Variants in TBC1D30 observed in about 807,000 individuals in gnomAD.
TBC1D30 encodes the protein TBC1 domain family, member 30.
TBC1D30 carries 31 observed loss-of-function variants against 63.2 expected under a neutral mutation model. The ratio of observed to expected loss-of-function variants is 0.49; its 90% CI spans 0.37 to 0.66. The LOEUF is 0.66. TBC1D30 is among the 30% of genes least tolerant of loss of function. The pLI is 0.00. For missense variants in TBC1D30, 810 were observed against 953.6 expected (o/e 0.85, Z 1.98); for synonymous variants, 307 against 361.5 (o/e 0.85, Z 1.71).
rs1210881726 is a variant in TBC1D30 at position 64,870,715 on chromosome 12, C to T, written c.1405C>T (p.Arg469Cys). Residue 469 changes from arginine to cysteine, a missense_variant, in exon 11 of 12, where the codon CGC (arginine) becomes TGC (cysteine). Physicochemically the swap from Arg to Cys is radical, Grantham distance 180 (BLOSUM62 -3). This residue lies in a region of TBC1D30 where 450 missense variants were observed against 473.0 expected (regional missense o/e 0.95). Transcript: ENST00000539867. The stretch of plus-strand genomic sequence containing the variant: ...AGCTTTTAACAGTATGATGATGGAA[C>T]GCATGACCACAGATATCAATGCACT... ...HAAFNSMMME[R>C]MTTDINALKR... 1.6e-5 allele frequency: 24 copies of T among 1,535,902 alleles called. No homozygotes were observed. The highest frequency in any genetic ancestry group is 6.8e-5 in the African/African-American group (5 of 72,998).
chr12:64,781,419 T>TG, intron 1 of TBC1D30: 13 of 922,898 alleles, frequency 1.4e-5, no homozygotes, highest in African/African-American at 1.8e-5. Flanking sequence ...GATCTGACGG[T>TG]GGTACCCACC....
At chr12:64,786,948 AAAAAATAAATAAATAAAAAT>A (rs1215839652) in intron 2 of TBC1D30, among the ~76,000 whole-genome samples, 1 of 152,000 alleles carries the variant, frequency 6.6e-6, no homozygotes, top group Non-Finnish European at 1.5e-5. Context: ...CATCTCAAAA[AAAAAATAAATAAATAAAAAT>A]AAAAATAAAT....
intron 10 of TBC1D30, 76 bp from the exon 11 acceptor site, chr12:64,870,526 T>A (rs541268028): frequency 2.0e-5 from 23 of 1,179,360 alleles, no homozygotes; most frequent in Admixed American, 4.0e-5. Context: ...CGCACTGAGT[T>A]GTAGTGTTAT....
In TBC1D30 at chr12:64,875,717, G is replaced by A; in HGVS notation, c.2215G>A (p.Val739Met). 1 of 1,536,532 alleles carries A rather than the reference G, an allele frequency of 6.5e-7. No homozygotes were observed. Among genetic ancestry groups the A allele is most frequent in the South Asian group, 1.2e-5 (1 of 83,998 alleles). Residue 739 changes from valine (V) to methionine (M), a missense_variant, in exon 12 of 12, where the codon GTG becomes ATG. By Grantham distance (21) the Val-to-Met change is conservative. This residue lies in a region of TBC1D30 where 450 missense variants were observed against 473.0 expected (regional missense o/e 0.95). Transcript: ENST00000539867. ...LYGPTERTPTVHFPQMSRSFS... is the reference protein window; with the variant it reads ...LYGPTERTPTMHFPQMSRSFS... ...TGGCCCTACAGAAAGAACCCCAACT[G>A]TGCACTTTCCTCAAATGAGTAGGAG...
rs12314376 is a variant in TBC1D30 at position 64,784,931 on chromosome 12, A to G, written c.479-950A>G. On this transcript the variant is annotated intron_variant, in intron 1 of 12. Coordinates refer to the TBC1D30 transcript ENST00000542120. Reference sequence around the variant, plus strand: ...TATGAATGTAGAATTATTGTAATTTATCTGTGTAAAGGAAATTTATTTTCT... The same window carrying G: ...TATGAATGTAGAATTATTGTAATTTGTCTGTGTAAAGGAAATTTATTTTCT... 2.0e-5 allele frequency among the ~76,000 whole-genome samples: 3 copies of G among 152,048 alleles called. No individual in the cohort carries two copies. In the East Asian group the frequency reaches 5.8e-4, roughly 29 times the overall value.
At chr12:64,841,409 G>A (rs143593236) in intron 7 of TBC1D30, among the ~76,000 whole-genome samples, 1 of 152,214 alleles carries the variant, frequency 6.6e-6, no homozygotes, top group Non-Finnish European at 1.5e-5. Context: ...CCCATGCCTG[G>A]CCCACTGTGG....
chr12:64,835,788 A>C (rs1029656116), intron 5 of TBC1D30, among the ~76,000 whole-genome samples: 1 of 152,206 alleles, frequency 6.6e-6, no homozygotes, highest in African/African-American at 2.4e-5. Context: ...GGAAAGAACC[A>C]GGGATTGACA....
At position 64,824,871 on chromosome 12, in the gene TBC1D30, C is replaced by A. The variant is rs1268652684; in HGVS notation, c.-9C>A. The A allele has an allele frequency of 2.0e-6, 3 of 1,532,340 alleles. No individual in the cohort carries two copies. The highest frequency in any genetic ancestry group is 1.2e-5 in the South Asian group (1 of 83,634). The allele number at this position is 1,532,340 out of a possible 1,614,324, so 94.9% of individuals were successfully genotyped here. On this transcript the variant is annotated 5_prime_UTR_variant, in exon 1 of 12. Transcript: ENST00000539867. ...ACGGTAGCCGTGCCAGAGCCCGGGGCGCTCTCGGATGCGGCAGGACAAGCT... is the reference window on the plus strand; with the variant it reads ...ACGGTAGCCGTGCCAGAGCCCGGGGAGCTCTCGGATGCGGCAGGACAAGCT...
At chr12:64,836,421 T>G (rs768945839) in intron 5 of TBC1D30, 69 bp from the exon 6 acceptor site, 1 of 1,272,848 alleles carries the variant, frequency 7.9e-7, no homozygotes, top group Non-Finnish European at 1.1e-6. Context: ...AATACTTATT[T>G]TCTCTTTAGG....
At chr12:64,833,860 T>C (rs1875091482) in intron 5 of TBC1D30, among the ~76,000 whole-genome samples, 1 of 89,100 alleles carries the variant, frequency 1.1e-5, no homozygotes, top group African/African-American at 6.7e-5. Flanking sequence ...TCTATCAGCT[T>C]TCATCAGTTT....
At chr12:64,828,686 G>A (rs1248550362) in intron 3 of TBC1D30, among the ~76,000 whole-genome samples, 177 bp downstream of exon 3, 3 of 152,084 alleles carry the variant, frequency 2.0e-5, no homozygotes, top group Non-Finnish European at 4.4e-5. Flanking sequence ...TAGGTTCTAG[G>A]GATATAGCAA....
intron 5 of TBC1D30, 97 bp from the exon 6 acceptor site, chr12:64,836,393 C>A: frequency 1.0e-6 from 1 of 977,646 alleles, no homozygotes; most frequent in Non-Finnish European, 1.5e-6. Flanking sequence ...CTTTGGCTAA[C>A]AGCGTTTTAT....
chr12:64,831,942 ATAT>A (rs1874892502), intron 4 of TBC1D30, among the ~76,000 whole-genome samples, 174 bp from the exon 5 acceptor site: 1 of 152,228 alleles, frequency 6.6e-6, no homozygotes, highest in South Asian at 2.1e-4. Flanking sequence ...ATATTACAAA[ATAT>A]TATGAAAAAG....
At chr12:64,870,889 T>C (rs1878604029) in intron 11 of TBC1D30, 81 bp downstream of exon 11, 4 of 1,361,288 alleles carry the variant, frequency 2.9e-6, no homozygotes, top group Non-Finnish European at 4.0e-6. Flanking sequence ...AGGAAGGCCT[T>C]GGAATTACTA....
chr12:64,807,149 G>T (rs1292556720), intron 2 of TBC1D30, among the ~76,000 whole-genome samples: 1 of 152,172 alleles, frequency 6.6e-6, no homozygotes, highest in Non-Finnish European at 1.5e-5. Context: ...CATGGGGGTG[G>T]TTCCTCCCAT....
At chr12:64,761,468 T>A (rs983516348) in intron 1 of TBC1D30, among the ~76,000 whole-genome samples, 1 of 152,112 alleles carries the variant, frequency 6.6e-6, no homozygotes, top group Non-Finnish European at 1.5e-5. Flanking sequence ...TAGGAGGTCA[T>A]AAAGATACAA....
Position 64,881,032 on chromosome 12 carries a change from A to C in TBC1D30, c.*5244A>C, listed in dbSNP as rs973819049. Reference sequence around the variant, plus strand: ...GAAACAAAGCAAAAAATAAAAAAAAACCTCCTTAGTAATTGTTTTCTTTTT... The same window carrying C: ...GAAACAAAGCAAAAAATAAAAAAAACCCTCCTTAGTAATTGTTTTCTTTTT... On this transcript the variant is annotated 3_prime_UTR_variant, in exon 12 of 12. Coordinates refer to ENST00000539867, the MANE Select transcript of TBC1D30 (RefSeq NM_015279.2). 2.0e-5 allele frequency: 3 copies of C among 151,816 alleles called. No individual in the cohort carries two copies. Among genetic ancestry groups the C allele is most frequent in the Non-Finnish European group, 2.9e-5 (2 of 67,978 alleles). 9.4% of individuals were successfully genotyped at this position (151,816 alleles called of 1,614,324 possible).
At chr12:64,772,303 C>T (rs937434510) in intron 1 of TBC1D30, among the ~76,000 whole-genome samples, 3 of 151,158 alleles carry the variant, frequency 2.0e-5, no homozygotes, top group Non-Finnish European at 4.4e-5. Flanking sequence ...CATGCTTATG[C>T]CCAGCAGAAA....
Position 64,875,675 on chromosome 12 carries a change from A to G in TBC1D30, c.2173A>G (p.Arg725Gly). Reference sequence around the variant, plus strand: ...GCCCCTGCGGAAATCTGCTACTGCCAGGAACTTGGGATTATATGGCCCTAC... The same window carrying G: ...GCCCCTGCGGAAATCTGCTACTGCCGGGAACTTGGGATTATATGGCCCTAC... ...VKPLRKSATARNLGLYGPTER... is the reference protein window; with the variant it reads ...VKPLRKSATAGNLGLYGPTER... The change falls in exon 12 of 12, where the codon AGG becomes GGG. Residue 725 changes from arginine (R) to glycine (G), a missense_variant. Arg to Gly is a moderately radical substitution (Grantham distance 125, BLOSUM62 -2). This residue lies in a region of TBC1D30 where 450 missense variants were observed against 473.0 expected (regional missense o/e 0.95). Coordinates refer to ENST00000539867, the MANE Select transcript of TBC1D30 (RefSeq NM_015279.2). 6.5e-7 allele frequency: 1 copy of G among 1,536,470 alleles called. No individual in the cohort carries two copies.
Sources: allele counts gnomAD v4.1 joint callset (sites outside exome capture counted in the v4.1 genomes callset), GRCh38; gene constraint gnomAD v4.1.1; regional missense constraint gnomAD v4.1.1; transcripts MANE v1.5; gene names NCBI Gene and HGNC (gene_info 2026-07-23, HGNC 2026-07-21).